Variants in CAPZB observed in about 807,000 individuals in gnomAD.
The protein encoded by CAPZB is capping actin protein of muscle Z-line subunit beta.
In CAPZB, 2 loss-of-function variants were observed where a neutral mutation model predicts 38.1. The ratio of observed to expected loss-of-function variants is 0.05; its 90% CI spans 0.02 to 0.17. The LOEUF (loss-of-function observed/expected upper bound fraction) is 0.17. CAPZB is among the 10% of genes least tolerant of loss of function. CAPZB has a pLI of 1.00. For missense variants in CAPZB, 161 were observed against 334.2 expected (o/e 0.48, Z 4.04); for synonymous variants, 107 against 127.4 (o/e 0.84, Z 1.08).
chr1:19,478,613 C>T (rs922881231), intron 1 of CAPZB, among the ~76,000 whole-genome samples: 4 of 152,206 alleles, frequency 2.6e-5, no homozygotes, highest in Non-Finnish European at 4.4e-5. Flanking sequence ...GCCTGTCTGA[C>T]GCTGTGGACT....
intron 2 of CAPZB, among the ~76,000 whole-genome samples, chr1:19,412,869 A>G (rs2094363186): frequency 6.6e-6 from 1 of 152,236 alleles, no homozygotes; most frequent in Non-Finnish European, 1.5e-5. Flanking sequence ...AAATAAGCAC[A>G]GCTGCCAGTT....
intron 2 of CAPZB, among the ~76,000 whole-genome samples, chr1:19,412,525 C>A (rs1033841990): frequency 1.3e-5 from 2 of 152,176 alleles, no homozygotes; most frequent in African/African-American, 4.8e-5. Flanking sequence ...TCAAGCGATC[C>A]TTCCACCTCA....
At chr1:19,339,985 C>T (rs1233258461) in intron 8 of CAPZB, among the ~76,000 whole-genome samples, 1 of 152,222 alleles carries the variant, frequency 6.6e-6, no homozygotes, top group Non-Finnish European at 1.5e-5. Flanking sequence ...GGCTTCCAAA[C>T]ACAATGGAAC....
At chr1:19,427,024 G>A (rs1186002512) in intron 1 of CAPZB, among the ~76,000 whole-genome samples, 1 of 152,180 alleles carries the variant, frequency 6.6e-6, no homozygotes, top group Non-Finnish European at 1.5e-5. Flanking sequence ...CAGATAGGAC[G>A]AGGTCAGTTA....
intron 1 of CAPZB, among the ~76,000 whole-genome samples, chr1:19,464,785 C>G (rs921784166): frequency 2.0e-5 from 3 of 152,104 alleles, no homozygotes; most frequent in Non-Finnish European, 4.4e-5. Context: ...AGGTCAAACA[C>G]AAAAGACTCC....
At chr1:19,468,568 G>GGAGCAGGGCAGGGCA (rs1039437055) in intron 1 of CAPZB, among the ~76,000 whole-genome samples, 92 of 152,226 alleles carry the variant, frequency 6.0e-4, no homozygotes, top group Non-Finnish European at 8.4e-4. Flanking sequence ...AGGGTGGGGC[G>GGAGCAGGGCAGGGCA]GAGCAGGGCA....
intron 1 of CAPZB, among the ~76,000 whole-genome samples, chr1:19,479,552 C>G (rs560437914): frequency 6.6e-6 from 1 of 152,316 alleles, no homozygotes; most frequent in Non-Finnish European, 1.5e-5. Flanking sequence ...CCCCTCAGCT[C>G]CAGAGGTGGT....
chr1:19,465,455 A>G (rs111298092), intron 1 of CAPZB, among the ~76,000 whole-genome samples: 3,754 of 152,330 alleles, frequency 0.025, 148 homozygotes, highest in African/African-American at 0.085. Context: ...CAAATTATTC[A>G]GTTTAAGGTA....
At chr1:19,390,116 G>C (rs1434583144) in intron 2 of CAPZB, among the ~76,000 whole-genome samples, 2 of 152,202 alleles carry the variant, frequency 1.3e-5, no homozygotes, top group Non-Finnish European at 2.9e-5. Flanking sequence ...CCAGAATGAA[G>C]GCAGTGTATC....
At position 19,368,495 on chromosome 1, in the gene CAPZB, GAAAAAAAA is replaced by G. The variant is rs33961282; in HGVS notation, c.329+10037_329+10044del. ...GCCCCCGTCTCCATTTTTTTTCTTGGAAAAAAAAAAAAAAAAAAACGGTGGAGAGAGTC... is the reference window on the plus strand; with the variant it reads ...GCCCCCGTCTCCATTTTTTTTCTTGGAAAAAAAAAAACGGTGGAGAGAGTC... On this transcript the variant is annotated intron_variant, in intron 4 of 8. Transcript: ENST00000264202. Among the ~76,000 whole-genome samples, 353 of 112,726 alleles carry G rather than the reference GAAAAAAAA, an allele frequency of 3.1e-3. 1 individual carries two copies. Among genetic ancestry groups the G allele is most frequent in the African/African-American group, 9.8e-3 (301 of 30,858 alleles). 74.0% of individuals were successfully genotyped at this position (112,726 alleles called of 152,430 possible).
intron 1 of CAPZB, among the ~76,000 whole-genome samples, chr1:19,443,612 T>C (rs1238348478): frequency 6.7e-6 from 1 of 149,444 alleles, no homozygotes; most frequent in Admixed American, 6.6e-5. Context: ...TAAGTTATTG[T>C]TGTTGTTGTT....
In CAPZB at chr1:19,378,585, T is replaced by C. The variant is rs1342100350; in HGVS notation, c.284A>G (p.Lys95Arg). The stretch of plus-strand genomic sequence containing the variant: ...GGCATTGTTGGCTTCCACCTCCAGC[T>C]TTCTCAGCCGAGCTGACGGCATGGC... Reference protein sequence around the residue: ...DGAMPSARLRKLEVEANNAFD... With the variant: ...DGAMPSARLRRLEVEANNAFD... Residue 95 changes from lysine to arginine, a missense_variant, in exon 4 of 9, where the codon AAG becomes AGG. Lys to Arg is a conservative substitution (Grantham distance 26). Coordinates refer to ENST00000264202, the MANE Select transcript of CAPZB (RefSeq NM_004930.5). The C allele has an allele frequency of 1.2e-6, 2 of 1,613,704 alleles. No individual in the cohort carries two copies. Among genetic ancestry groups the C allele is most frequent in the Admixed American group, 1.7e-5 (1 of 60,016 alleles).
intron 1 of CAPZB, among the ~76,000 whole-genome samples, chr1:19,426,253 T>G (rs1250022937): frequency 6.6e-6 from 1 of 152,238 alleles, no homozygotes; most frequent in African/African-American, 2.4e-5. Context: ...CTGTGCCACA[T>G]TCTTTAAAAT....
intron 8 of CAPZB, among the ~76,000 whole-genome samples, chr1:19,343,761 C>A (rs566085638): frequency 6.6e-6 from 1 of 152,366 alleles, no homozygotes; most frequent in East Asian, 1.9e-4. Context: ...TGGGCTGACA[C>A]TGCAGAGCTG....
chr1:19,408,066 C>T lies in CAPZB; in HGVS notation c.93+11595G>A, dbSNP rs181299773. 3.3e-5 allele frequency among the ~76,000 whole-genome samples: 5 copies of T among 152,330 alleles called. No homozygotes were observed. The East Asian group carries it at 9.6e-4, about 29-fold the overall frequency. On this transcript the variant is annotated intron_variant, in intron 2 of 8. Coordinates refer to ENST00000264202, the MANE Select transcript of CAPZB (RefSeq NM_004930.5). ...TATCTACAAGGCCTCAATGGAGGGC[C>T]TCTTAATCTCCTTCCTCAGTTAAAT...
At chr1:19,345,315 C>G in intron 6 of CAPZB, 63 bp from the exon 7 acceptor site, 1 of 1,289,098 alleles carries the variant, frequency 7.8e-7, no homozygotes, top group Non-Finnish European at 1.1e-6. Context: ...CGGCAGACAG[C>G]CCACCCCACC....
intron 1 of CAPZB, among the ~76,000 whole-genome samples, chr1:19,423,111 A>G (rs2094408091): frequency 6.6e-6 from 1 of 152,228 alleles, no homozygotes; most frequent in African/African-American, 2.4e-5. Flanking sequence ...TACTACTACA[A>G]AAGGATCTGA....
intron 3 of CAPZB, among the ~76,000 whole-genome samples, chr1:19,379,185 G>A (rs192425828): frequency 1.9e-4 from 27 of 145,822 alleles, no homozygotes; most frequent in African/African-American, 6.4e-4. Flanking sequence ...CACAACCTCC[G>A]CCTCCTGGGT....
intron 1 of CAPZB, among the ~76,000 whole-genome samples, chr1:19,456,537 C>T (rs546501330): frequency 8.3e-4 from 126 of 152,254 alleles, no homozygotes; most frequent in African/African-American, 2.9e-3. Context: ...CTTGGTTCAT[C>T]GACTGCCTCA....
Sources: allele counts gnomAD v4.1 joint callset (sites outside exome capture counted in the v4.1 genomes callset), GRCh38; gene constraint gnomAD v4.1.1; transcripts MANE v1.5; gene names NCBI Gene and HGNC (gene_info 2026-07-23, HGNC 2026-07-21).